Variants in COL26A1 observed in about 807,000 individuals in gnomAD.
COL26A1 encodes collagen type XXVI alpha 1 chain, also known as collagen alpha-1(XXVI) chain.
In COL26A1, 41 loss-of-function variants were observed where a neutral mutation model predicts 59.3. The observed-to-expected ratio is 0.69, with a 90% CI of 0.54 to 0.90. The LOEUF (loss-of-function observed/expected upper bound fraction) is 0.90. Among genes scored for constraint, COL26A1 ranks in the 40% least tolerant of loss-of-function variants. The pLI, the probability that COL26A1 is intolerant of heterozygous loss-of-function variation, is 0.00. For missense variants in COL26A1, 612 were observed against 602.3 expected (o/e 1.02, Z -0.17); for synonymous variants, 266 against 256.0 (o/e 1.04, Z -0.37).
At chr7:101,460,656 C>T (rs1168470031) in intron 3 of COL26A1, among the ~76,000 whole-genome samples, 3 of 152,058 alleles carry the variant, frequency 2.0e-5, no homozygotes, top group Non-Finnish European at 2.9e-5. Context: ...TGGCACGCAT[C>T]TGTAATCCCA....
At chr7:101,511,123 C>T (rs1338932883) in intron 3 of COL26A1, among the ~76,000 whole-genome samples, 6 of 151,490 alleles carry the variant, frequency 4.0e-5, no homozygotes, top group Non-Finnish European at 8.8e-5. Flanking sequence ...AGGATGGTCT[C>T]GATCTCCTAG....
At chr7:101,417,971 C>T (rs1792418920) in intron 1 of COL26A1, among the ~76,000 whole-genome samples, 1 of 152,054 alleles carries the variant, frequency 6.6e-6, no homozygotes, top group South Asian at 2.1e-4. Flanking sequence ...GTGATCCGCC[C>T]ACTTTGACCT....
intron 3 of COL26A1, among the ~76,000 whole-genome samples, chr7:101,532,353 GCCAC>G (rs1562792548): frequency 6.6e-6 from 1 of 152,062 alleles, no homozygotes; most frequent in Non-Finnish European, 1.5e-5. Context: ...TACAGACACT[GCCAC>G]AGCCCTTCCC....
chr7:101,382,255 T>C (rs1420665554), intron 1 of COL26A1, among the ~76,000 whole-genome samples: 1 of 152,080 alleles, frequency 6.6e-6, no homozygotes, highest in Non-Finnish European at 1.5e-5. Context: ...TGCTATCTTG[T>C]CCAGGCTGGT....
chr7:101,516,972 C>T (rs532232935), intron 3 of COL26A1, among the ~76,000 whole-genome samples: 3 of 152,214 alleles, frequency 2.0e-5, no homozygotes, highest in South Asian at 4.1e-4. Flanking sequence ...TGGTGAAGGT[C>T]GGTGCCTGGT....
intron 1 of COL26A1, among the ~76,000 whole-genome samples, chr7:101,407,560 G>A (rs151261389): frequency 2.0e-5 from 3 of 151,670 alleles, no homozygotes; most frequent in Non-Finnish European, 1.5e-5. Context: ...GGGGCTCTGG[G>A]TGGCAGTTTC....
intron 3 of COL26A1, among the ~76,000 whole-genome samples, chr7:101,529,865 A>T (rs977512631): frequency 2.0e-5 from 3 of 152,098 alleles, no homozygotes; most frequent in Non-Finnish European, 4.4e-5. Flanking sequence ...TTTCCAAGTG[A>T]TCCTGGTCAA....
intron 2 of COL26A1, among the ~76,000 whole-genome samples, chr7:101,441,336 G>A (rs1184365936): frequency 1.3e-5 from 2 of 152,160 alleles, no homozygotes; most frequent in Non-Finnish European, 2.9e-5. Flanking sequence ...TTTTAAGACA[G>A]AGTCTCCCTC....
intron 3 of COL26A1, among the ~76,000 whole-genome samples, chr7:101,458,617 C>T (rs1793534422): frequency 6.6e-6 from 1 of 151,522 alleles, no homozygotes; most frequent in African/African-American, 2.4e-5. Flanking sequence ...CCACGGCACT[C>T]CAGCCTGGGC....
At chr7:101,375,668 C>T (rs1012603252) in intron 1 of COL26A1, among the ~76,000 whole-genome samples, 12 of 149,272 alleles carry the variant, frequency 8.0e-5, no homozygotes, top group Middle Eastern at 3.6e-3. Context: ...AGCAAGACCC[C>T]ATATCTACAG....
intron 3 of COL26A1, among the ~76,000 whole-genome samples, chr7:101,486,148 G>A (rs1289611995): frequency 2.0e-5 from 3 of 151,778 alleles, no homozygotes; most frequent in Non-Finnish European, 2.9e-5. Flanking sequence ...ACTCCAGCCT[G>A]GGTGACAGAG....
intron 3 of COL26A1, among the ~76,000 whole-genome samples, chr7:101,460,824 C>A (rs867930805): frequency 6.6e-6 from 1 of 151,558 alleles, no homozygotes; most frequent in Non-Finnish European, 1.5e-5. Context: ...AGCCTCATTG[C>A]GTCTACATCA....
At position 101,459,466 on chromosome 7, in the gene COL26A1, A is replaced by ATT. The variant is rs71286269; in HGVS notation, c.385+11693_385+11694dup. ...AGGTGCCCACCACCACACCCGGCTA[A>ATT]TTTTTTTTTTTTTTTGTATTTTTAG... On this transcript the variant is annotated intron_variant, in intron 3 of 12. Transcript: ENST00000313669. 6.3e-3 allele frequency among the ~76,000 whole-genome samples: 858 copies of ATT among 136,078 alleles called. 10 individuals carry two copies. The highest frequency in any genetic ancestry group is 0.021 in the African/African-American group (758 of 35,642). 89.3% of individuals were successfully genotyped at this position (136,078 alleles called of 152,430 possible). A position where few individuals can be genotyped will look rare whatever the true frequency, so the allele number is the denominator to read the frequency against.
At chr7:101,420,701 A>T (rs62463408) in intron 2 of COL26A1, among the ~76,000 whole-genome samples, 2 of 9,446 alleles carry the variant, frequency 2.1e-4, no homozygotes, top group Non-Finnish European at 5.9e-4. Context: ...CACCAGCCAC[A>T]CCCCTCACCA....
intron 3 of COL26A1, among the ~76,000 whole-genome samples, chr7:101,448,361 C>T (rs1443352730): frequency 6.6e-6 from 1 of 152,222 alleles, no homozygotes; most frequent in Non-Finnish European, 1.5e-5. Context: ...CAGTGGCAGA[C>T]AGAGCAAATC....
chr7:101,486,979 G>A (rs1169350070), intron 3 of COL26A1, among the ~76,000 whole-genome samples: 2 of 152,230 alleles, frequency 1.3e-5, no homozygotes, highest in Non-Finnish European at 2.9e-5. Context: ...CAGGGCTGGA[G>A]GGGGAGGAAG....
chr7:101,451,495 A>G (rs1252124469), intron 3 of COL26A1, among the ~76,000 whole-genome samples: 1 of 149,068 alleles, frequency 6.7e-6, no homozygotes, highest in Non-Finnish European at 1.5e-5. Flanking sequence ...CATGATGCTC[A>G]AAGGAAATGC....
chr7:101,506,701 A>G (rs17135548), intron 3 of COL26A1, among the ~76,000 whole-genome samples: 4,992 of 152,358 alleles, frequency 0.033, 101 homozygotes, highest in South Asian at 0.061. Context: ...AGTGGGCACC[A>G]CGGTCCCTAA....
Position 101,391,963 on chromosome 7 carries a change from C to G in COL26A1, c.159-28014C>G, listed in dbSNP as rs182332340. On this transcript the variant is annotated intron_variant, in intron 1 of 12. Transcript: ENST00000313669. ...GAATTCCTGGTCTCAAGTGATCCTC[C>G]CGCCTCAGCTTCCTAAAGTGCTGGG... 8.1e-3 allele frequency among the ~76,000 whole-genome samples: 1,228 copies of G among 152,112 alleles called. 8 individuals carry two copies. The highest frequency in any genetic ancestry group is 0.013 in the Non-Finnish European group (910 of 68,012).
Sources: allele counts gnomAD v4.1 joint callset (sites outside exome capture counted in the v4.1 genomes callset), GRCh38; gene constraint gnomAD v4.1.1; transcripts MANE v1.5; gene names NCBI Gene and HGNC (gene_info 2026-07-23, HGNC 2026-07-21).